Variants in MSI2 observed in about 807,000 individuals in gnomAD.
MSI2 encodes the protein RNA-binding protein Musashi homolog 2.
Under a neutral mutation model 45.6 loss-of-function variants are expected in MSI2, and 17 were observed. The observed-to-expected ratio is 0.37, with a 90% CI of 0.26 to 0.56. The LOEUF (loss-of-function observed/expected upper bound fraction) is 0.56. MSI2 is among the 20% of genes least tolerant of loss of function. MSI2 has a pLI of 0.77. For missense variants in MSI2, 293 were observed against 444.2 expected (o/e 0.66, Z 3.06); for synonymous variants, 156 against 158.2 (o/e 0.99, Z 0.11).
intron 7 of MSI2, among the ~76,000 whole-genome samples, chr17:57,583,488 CTTTTTTTTTTT>C (rs5821192): frequency 1.0e-5 from 1 of 98,044 alleles, no homozygotes; most frequent in African/African-American, 3.9e-5. Context: ...CCCAATGTTT[CTTTTTTTTTTT>C]TTTTTTTTGA....
In MSI2 at chr17:57,350,642, C is replaced by G. The variant is rs116377719; in HGVS notation, c.313-50737C>G. 6.5e-3 allele frequency among the ~76,000 whole-genome samples: 991 copies of G among 152,258 alleles called. 14 individuals are homozygous for G. Among genetic ancestry groups the G allele is most frequent in the African/African-American group, 0.023 (936 of 41,552 alleles). On this transcript the variant is annotated intron_variant, in intron 5 of 13. Coordinates refer to ENST00000284073, the MANE Select transcript of MSI2 (RefSeq NM_138962.4). The stretch of plus-strand genomic sequence containing the variant: ...CTGTTTATGCTTCCCTGCCTTTGCG[C>G]AGGGGATCCCTGGCCCGGAAAGTGC...
chr17:57,516,262 C>T (rs928498130), intron 6 of MSI2, among the ~76,000 whole-genome samples: 9 of 152,142 alleles, frequency 5.9e-5, no homozygotes, highest in Non-Finnish European at 7.3e-5. Context: ...ATAATGTTGT[C>T]GTTTTGAGAA....
chr17:57,284,207 G>C (rs771592382), intron 5 of MSI2, among the ~76,000 whole-genome samples: 22 of 152,076 alleles, frequency 1.4e-4, no homozygotes, highest in Non-Finnish European at 2.4e-4. Context: ...GATTGGCTGT[G>C]CTGGGCCCTC....
At position 57,568,244 on chromosome 17, in the gene MSI2, T is replaced by A. The variant is rs150198581; in HGVS notation, c.455-28624T>A. 7.5e-3 allele frequency among the ~76,000 whole-genome samples: 1,137 copies of A among 152,290 alleles called. 13 individuals carry two copies. Among genetic ancestry groups the A allele is most frequent in the Middle Eastern group, 0.01 (3 of 294 alleles). On this transcript the variant is annotated intron_variant, in intron 7 of 13. Coordinates refer to ENST00000284073, the MANE Select transcript of MSI2 (RefSeq NM_138962.4). ...TGCCATATAGAAAATGAAAGATGCT[T>A]TAGTTTTTCACCAAATTATATTTAA...
At position 57,647,026 on chromosome 17, in the gene MSI2, A is replaced by T. The variant is rs939957249; in HGVS notation, c.728-5073A>T. ...TGCCTGACCCCTTGGCCCACTTGTC[A>T]TTGTTAGAGCTAAACAGAATGTGTA... On this transcript the variant is annotated intron_variant, in intron 10 of 13. Transcript: ENST00000284073. Among the ~76,000 whole-genome samples, 9 of 152,120 alleles carry T rather than the reference A, an allele frequency of 5.9e-5. No individual in the cohort carries two copies. In the East Asian group the frequency reaches 1.7e-3, roughly 29 times the overall value.
At position 57,258,254 on chromosome 17, in the gene MSI2, CT is replaced by C; in HGVS notation, c.186-13del. ...CATTTTCTTGTTTGTTTTTCTCCCT[CT>C]TTGTCTCCTTTCAGAGGCTTCGGTT... is the stretch of plus-strand genomic sequence containing the variant. On this transcript the variant is annotated splice_polypyrimidine_tract_variant and intron_variant, in intron 3 of 13. Transcript: ENST00000284073. 1 of 1,612,772 alleles carries C rather than the reference CT, an allele frequency of 6.2e-7. No homozygotes were observed. Among genetic ancestry groups the C allele is most frequent in the Non-Finnish European group, 8.5e-7 (1 of 1,178,784 alleles).
Position 57,424,192 on chromosome 17 carries a change from T to C in MSI2, c.405+22721T>C, listed in dbSNP as rs138477945. Among the ~76,000 whole-genome samples, 15 of 152,296 alleles carry C rather than the reference T, an allele frequency of 9.8e-5. 3 individuals carry two copies. The East Asian group carries it at 2.3e-3, about 23-fold the overall frequency. On this transcript the variant is annotated intron_variant, in intron 6 of 13. Transcript: ENST00000284073. ...AGCCCTGTGTAGGAGCTGTCTTCTGTTAAGCTCTTCAAACAAAAGAATGAA... is the reference window on the plus strand; with the variant it reads ...AGCCCTGTGTAGGAGCTGTCTTCTGCTAAGCTCTTCAAACAAAAGAATGAA...
rs375439255 is a variant in MSI2 at position 57,631,752 on chromosome 17, G to A, written c.727+4449G>A. On this transcript the variant is annotated intron_variant, in intron 10 of 13. Coordinates refer to ENST00000284073, the MANE Select transcript of MSI2 (RefSeq NM_138962.4). ...TCCCCACTCTGGACTTCTCATTTCA[G>A]TTTAATCTGTTAATTTCTGTTCTTA... The A allele has an allele frequency of 3.5e-4, 542 of 1,551,942 alleles. 1 individual carries two copies. The highest frequency in any genetic ancestry group is 3.6e-5 in the Non-Finnish European group (40 of 1,126,028).
intron 9 of MSI2, among the ~76,000 whole-genome samples, chr17:57,623,636 C>A (rs138298851): frequency 6.6e-6 from 1 of 152,146 alleles, no homozygotes; most frequent in Admixed American, 6.5e-5. Context: ...ATTGATCAGG[C>A]GTCCAGAGTA....
At chr17:57,442,151 C>G (rs1023023502) in intron 6 of MSI2, among the ~76,000 whole-genome samples, 5 of 152,050 alleles carry the variant, frequency 3.3e-5, no homozygotes, top group Non-Finnish European at 7.4e-5. Flanking sequence ...ATTCTCCTGC[C>G]TCAGCCTCCC....
intron 5 of MSI2, among the ~76,000 whole-genome samples, chr17:57,367,743 C>T (rs951580188): frequency 2.0e-5 from 3 of 152,166 alleles, no homozygotes; most frequent in East Asian, 1.9e-4. Flanking sequence ...GCTCATCCCC[C>T]GAGTTGAAGC....
At position 57,616,078 on chromosome 17, in the gene MSI2, A is replaced by G. The variant is rs1213744655; in HGVS notation, c.646A>G (p.Met216Val). The change falls in exon 9 of 14, where the codon ATG (methionine) becomes GTG (valine). Residue 216 changes from methionine (M) to valine (V), a missense_variant. Coordinates refer to ENST00000284073, the MANE Select transcript of MSI2 (RefSeq NM_138962.4). ...TMDAFMLGMGMLGYPNFVATY... is the reference protein window; with the variant it reads ...TMDAFMLGMGVLGYPNFVATY... The stretch of plus-strand genomic sequence containing the variant: ...GGACGCGTTCATGCTTGGCATGGGG[A>G]TGCTGGGTGAGTCTGGACAGGACCG... 1 of 1,613,444 alleles carries G rather than the reference A, an allele frequency of 6.2e-7. No homozygotes were observed. Among genetic ancestry groups the G allele is most frequent in the Non-Finnish European group, 8.5e-7 (1 of 1,179,572 alleles).
At chr17:57,369,559 C>T (rs1301691177) in intron 5 of MSI2, among the ~76,000 whole-genome samples, 1 of 152,216 alleles carries the variant, frequency 6.6e-6, no homozygotes, top group African/African-American at 2.4e-5. Context: ...GGGGCACACA[C>T]TTTCTCAGCT....
intron 6 of MSI2, among the ~76,000 whole-genome samples, chr17:57,413,581 T>G (rs1292697857): frequency 6.6e-6 from 1 of 152,000 alleles, no homozygotes; most frequent in East Asian, 1.9e-4. Flanking sequence ...TTAAAATATC[T>G]TTATATATAT....
At chr17:57,654,896 G>A (rs1267247538) in intron 11 of MSI2, among the ~76,000 whole-genome samples, 3 of 146,886 alleles carry the variant, frequency 2.0e-5, no homozygotes, top group African/African-American at 7.6e-5. Flanking sequence ...TTTGATTTTT[G>A]TCTAGCTCCA....
intron 5 of MSI2, among the ~76,000 whole-genome samples, chr17:57,365,566 G>C (rs192343176): frequency 1.3e-5 from 2 of 152,176 alleles, no homozygotes; most frequent in East Asian, 3.9e-4. Context: ...GTGTCTACTG[G>C]GAGACATTAG....
chr17:57,443,832 G>T (rs1023690914), intron 6 of MSI2, among the ~76,000 whole-genome samples: 2 of 152,152 alleles, frequency 1.3e-5, no homozygotes, highest in Non-Finnish European at 2.9e-5. Flanking sequence ...TGAGGACAGG[G>T]TGAGCACCCA....
At chr17:57,472,565 C>T (rs188413491) in intron 6 of MSI2, among the ~76,000 whole-genome samples, 14 of 152,364 alleles carry the variant, frequency 9.2e-5, no homozygotes, top group African/African-American at 3.1e-4. Context: ...CCCATCTGGG[C>T]TCGAATCCTA....
intron 5 of MSI2, among the ~76,000 whole-genome samples, chr17:57,298,170 C>G (rs936078486): frequency 1.2e-4 from 18 of 152,230 alleles, no homozygotes; most frequent in Non-Finnish European, 2.4e-4. Flanking sequence ...CTATCCATGA[C>G]AGGCATAGCC....
Sources: gnomAD v4.1 joint callset for allele counts (sites outside exome capture counted in the v4.1 genomes callset) on GRCh38, gnomAD v4.1.1 for gene constraint, MANE v1.5 for transcripts, NCBI Gene and HGNC (gene_info 2026-07-23, HGNC 2026-07-21) for gene names.